The following MAP3K15 variants were observed in gnomAD, a reference collection of about 807,000 sequenced individuals.
MAP3K15 encodes MAPK/ERK kinase kinase 15.
MAP3K15 carries 124 observed loss-of-function variants against 99.5 expected under a neutral mutation model. That is an observed-to-expected ratio of 1.25 (90% CI 1.08 to 1.45). The LOEUF (loss-of-function observed/expected upper bound fraction) is 1.45. MAP3K15 is among the 40% of genes most tolerant of loss of function. MAP3K15 has a pLI of 0.00. For missense variants in MAP3K15, 1,242 were observed against 1,079.7 expected (o/e 1.15, Z -2.11); for synonymous variants, 494 against 439.6 (o/e 1.12, Z -1.55).
intron 7 of MAP3K15, among the ~76,000 whole-genome samples, chrX:19,428,103 G>C (rs922892921): frequency 6.3e-5 from 7 of 111,754 alleles, no homozygotes; most frequent in Non-Finnish European, 1.3e-4. Flanking sequence ...CATAGTTCCA[G>C]ATTCACCACT....
intron 3 of MAP3K15, among the ~76,000 whole-genome samples, chrX:19,481,115 C>CAAAAAA (rs60578003): frequency 0.017 from 928 of 55,212 alleles, 102 homozygotes; most frequent in African/African-American, 0.089. Flanking sequence ...GAACTTGTCT[C>CAAAAAA]AAAAAAAAAA....
chrX:19,380,786 G>C (rs1237160834), intron 18 of MAP3K15, among the ~76,000 whole-genome samples: 3 of 112,887 alleles, frequency 2.7e-5, no homozygotes, highest in African/African-American at 6.4e-5. Flanking sequence ...TTCCCAAAGT[G>C]CTGGGATTAT....
At chrX:19,502,315 G>A (rs750177193) in intron 1 of MAP3K15, among the ~76,000 whole-genome samples, 3 of 110,822 alleles carry the variant, frequency 2.7e-5, no homozygotes, top group Admixed American at 9.7e-5. Flanking sequence ...TTGGTGGGAG[G>A]TGACTGGATT....
chrX:19,389,405 A>T (rs768033340), intron 18 of MAP3K15, among the ~76,000 whole-genome samples: 13 of 110,230 alleles, frequency 1.2e-4, no homozygotes, highest in Non-Finnish European at 2.3e-4. Flanking sequence ...AGAGGAACAC[A>T]GGGAGGGAGG....
At chrX:19,497,820 C>A (rs1271580706) in intron 1 of MAP3K15, 2 of 111,173 alleles carry the variant, frequency 1.8e-5, no homozygotes, top group Non-Finnish European at 3.8e-5. Flanking sequence ...ACTACTACTA[C>A]ATGACAAAAC....
intron 1 of MAP3K15, among the ~76,000 whole-genome samples, chrX:19,503,430 T>A (rs768724279): frequency 6.3e-5 from 7 of 111,921 alleles, no homozygotes; most frequent in African/African-American, 2.3e-4. Flanking sequence ...CAGCAAGTTA[T>A]CTTCTTGTTC....
intron 13 of MAP3K15, among the ~76,000 whole-genome samples, chrX:19,402,098 G>A (rs1311538392): frequency 9.3e-6 from 1 of 108,030 alleles, no homozygotes; most frequent in African/African-American, 3.5e-5. Flanking sequence ...GACCAACCTG[G>A]GCAACGTGGC....
chrX:19,424,183 C>T (rs1381318457), intron 9 of MAP3K15, among the ~76,000 whole-genome samples: 3 of 106,276 alleles, frequency 2.8e-5, no homozygotes, highest in Non-Finnish European at 3.8e-5. Context: ...TCCAGCAAAT[C>T]ATGTATATAT....
intron 6 of MAP3K15, among the ~76,000 whole-genome samples, chrX:19,446,262 G>C (rs1424911336): frequency 8.9e-6 from 1 of 112,283 alleles, no homozygotes; most frequent in African/African-American, 3.2e-5. Flanking sequence ...ATAGGACTGA[G>C]ATAGATCGCT....
At chrX:19,400,716 C>T in intron 13 of MAP3K15, 53 bp from the exon 14 acceptor site, 5 of 847,446 alleles carry the variant, frequency 5.9e-6, no homozygotes, top group South Asian at 2.3e-5. Flanking sequence ...GCTCTCATTC[C>T]TTGTTTTTAA....
Position 19,392,916 on chromosome X carries a change from G to A in MAP3K15, c.2195-443C>T, listed in dbSNP as rs775661217. 2.7e-5 allele frequency among the ~76,000 whole-genome samples: 3 copies of A among 110,206 alleles called. No homozygotes were observed. The Admixed American group carries it at 2.9e-4, about 11-fold the overall frequency. Reference sequence around the variant, plus strand: ...GTTTTATACCTTGTCTGTAATCAGAGGTGGACAGGTCCACAGTGAGGGGCC... The same window carrying A: ...GTTTTATACCTTGTCTGTAATCAGAAGTGGACAGGTCCACAGTGAGGGGCC... On this transcript the variant is annotated intron_variant, in intron 16 of 28. Transcript: ENST00000338883.
At chrX:19,430,107 T>C (rs1191229590) in intron 7 of MAP3K15, among the ~76,000 whole-genome samples, 1 of 112,291 alleles carries the variant, frequency 8.9e-6, no homozygotes, top group Non-Finnish European at 1.9e-5. Context: ...GCAACTTTGC[T>C]ATTCCTCCTA....
At chrX:19,406,077 C>T (rs1393194533) in intron 13 of MAP3K15, among the ~76,000 whole-genome samples, 3 of 111,432 alleles carry the variant, frequency 2.7e-5, no homozygotes, top group Non-Finnish European at 5.6e-5. Context: ...ACTAGGATTA[C>T]AATACTCAAA....
intron 1 of MAP3K15, among the ~76,000 whole-genome samples, chrX:19,499,169 G>A (rs2064425800): frequency 8.9e-6 from 1 of 111,870 alleles, no homozygotes; most frequent in Non-Finnish European, 1.9e-5. Flanking sequence ...AAAAGCACAT[G>A]GAGAAGTACT....
chrX:19,378,070 C>T (rs940907339), intron 19 of MAP3K15, among the ~76,000 whole-genome samples: 10 of 112,513 alleles, frequency 8.9e-5, no homozygotes, highest in African/African-American at 3.2e-4. Context: ...CCGGCAGAAA[C>T]CTGCACTCAC....
intron 3 of MAP3K15, among the ~76,000 whole-genome samples, chrX:19,481,535 A>G (rs2064290022): frequency 8.9e-6 from 1 of 111,983 alleles, no homozygotes; most frequent in African/African-American, 3.3e-5. Context: ...AAAACCTCTA[A>G]TAAGGGCCTT....
chrX:19,451,198 T>C (rs1251246191), intron 6 of MAP3K15, among the ~76,000 whole-genome samples: 1 of 104,625 alleles, frequency 9.6e-6, no homozygotes, highest in African/African-American at 3.4e-5. Flanking sequence ...GGCAGGAGAA[T>C]TGCTTGAACC....
At chrX:19,364,860 T>A (rs1181053758) in intron 25 of MAP3K15, among the ~76,000 whole-genome samples, 1 of 90,757 alleles carries the variant, frequency 1.1e-5, no homozygotes, top group African/African-American at 4.6e-5. Flanking sequence ...ACCATTGTAC[T>A]CCAGCCTGGG....
At chrX:19,414,148 G>GAAAAAAAAAAAAAAAAAAAA (rs74743831) in intron 10 of MAP3K15, 1 of 56,462 alleles carries the variant, frequency 1.8e-5, no homozygotes, top group Non-Finnish European at 3.7e-5. Context: ...CTCAAAAAAA[G>GAAAAAAAAAAAAAAAAAAAA]AAAAAAAAAA....
Sources: allele counts gnomAD v4.1 joint callset (sites outside exome capture counted in the v4.1 genomes callset), GRCh38; gene constraint gnomAD v4.1.1; transcripts MANE v1.5; gene names NCBI Gene and HGNC (gene_info 2026-07-23, HGNC 2026-07-21).